TANK: variants seen among roughly 807,000 people sequenced by gnomAD.
The protein encoded by TANK is TRAF family member-associated NF-kappa-B activator.
TANK carries 15 observed loss-of-function variants against 43.6 expected under a neutral mutation model. The ratio of observed to expected loss-of-function variants is 0.34; its 90% CI spans 0.23 to 0.53. TANK has a LOEUF of 0.53. Among genes scored for constraint, TANK ranks in the 20% least tolerant of loss-of-function variants. The pLI is 0.94. For missense variants in TANK, 417 were observed against 498.6 expected, an observed-to-expected ratio of 0.84 and a Z score of 1.56; for synonymous variants, 162 against 178.2, an observed-to-expected ratio of 0.91 and a Z score of 0.73.
chr2:161,165,734 A>C (rs1014348653), intron 1 of TANK, among the ~76,000 whole-genome samples: 1 of 152,150 alleles, frequency 6.6e-6, no homozygotes, highest in African/African-American at 2.4e-5. Flanking sequence ...TAGATTTTTA[A>C]TATTAACTAT....
chr2:161,220,333 T>G (rs1687285600), intron 4 of TANK, among the ~76,000 whole-genome samples: 1 of 152,246 alleles, frequency 6.6e-6, no homozygotes, highest in Non-Finnish European at 1.5e-5. Context: ...CTGGGCGCGG[T>G]GGCTCACGCC....
intron 1 of TANK, among the ~76,000 whole-genome samples, chr2:161,145,133 C>CATTTTTTTTTTTTTTTTT (rs1491314658): frequency 3.0e-5 from 1 of 32,830 alleles, no homozygotes. Flanking sequence ...GCAACCCCTG[C>CATTTTTTTTTTTTTTTTT]TTTTTTTTTT....
chr2:161,151,395 G>C (rs914572425), intron 1 of TANK, among the ~76,000 whole-genome samples: 1 of 152,018 alleles, frequency 6.6e-6, no homozygotes, highest in Non-Finnish European at 1.5e-5. Context: ...TTGTAGTACT[G>C]TCTATTTTTC....
intron 4 of TANK, among the ~76,000 whole-genome samples, chr2:161,210,529 T>A (rs915194988): frequency 1.3e-5 from 2 of 152,030 alleles, no homozygotes; most frequent in Admixed American, 6.6e-5. Flanking sequence ...AAACCCCGTC[T>A]CTACTAAAAA....
At chr2:161,212,924 T>G (rs1042865649) in intron 4 of TANK, 13 of 433,388 alleles carry the variant, frequency 3.0e-5, no homozygotes, top group Non-Finnish European at 4.0e-5. Flanking sequence ...CTGTAAAAGT[T>G]CAAGATTGGA....
At chr2:161,201,482 C>CT (rs1686410126) in intron 2 of TANK, 1 of 168,632 alleles carries the variant, frequency 5.9e-6, no homozygotes, top group Non-Finnish European at 1.2e-5. Flanking sequence ...GCGCCTGTCT[C>CT]TAACTTGCTA....
At chr2:161,137,265 T>C in intron 1 of TANK, 1 of 984,234 alleles carries the variant, frequency 1.0e-6, no homozygotes, top group Non-Finnish European at 1.2e-6. Context: ...GGGTCATGCC[T>C]ATAATCCTAG....
upstream of TANK, chr2:161,160,219 CT>C (rs992053053): frequency 5.9e-5 from 19 of 319,522 alleles, no homozygotes; most frequent in East Asian, 1.6e-4. Flanking sequence ...GCTGCTGACG[CT>C]TTTTTTTTCT....
At chr2:161,139,784 T>A (rs1282909347) in intron 1 of TANK, 1 of 985,374 alleles carries the variant, frequency 1.0e-6, no homozygotes. Flanking sequence ...AGTAACCCTA[T>A]CCAGGCATAG....
chr2:161,163,591 T>C (rs1684539639), intron 1 of TANK: 1 of 152,198 alleles, frequency 6.6e-6, no homozygotes, highest in South Asian at 2.1e-4. Context: ...GAAACTCAAC[T>C]GGGAAAGCAT....
chr2:161,141,257 G>T lies in TANK; in HGVS notation c.-50+4194G>T, dbSNP rs531583506. Among the ~76,000 whole-genome samples the T allele has an allele frequency of 2.0e-5, 3 of 152,088 alleles. No homozygotes were observed. The South Asian group carries it at 6.2e-4, about 32-fold the overall frequency. Reference sequence around the variant, plus strand: ...CTCAGCCCCTGGCAACCACAAATCCGCATTCTGTCTCTGGATGCATATATT... The same window carrying T: ...CTCAGCCCCTGGCAACCACAAATCCTCATTCTGTCTCTGGATGCATATATT... On this transcript the variant is annotated intron_variant, in intron 1 of 7. Transcript: ENST00000259075.
At chr2:161,210,714 A>G (rs956017004) in intron 4 of TANK, among the ~76,000 whole-genome samples, 7 of 151,228 alleles carry the variant, frequency 4.6e-5, no homozygotes, top group Admixed American at 3.3e-4. Context: ...AAAAAAAAAA[A>G]GAAATTCTAA....
intron 4 of TANK, among the ~76,000 whole-genome samples, chr2:161,222,082 C>T (rs1687375467): frequency 6.6e-6 from 1 of 151,998 alleles, no homozygotes; most frequent in Non-Finnish European, 1.5e-5. Flanking sequence ...CCTATCTTTT[C>T]CTTCAGCCCT....
chr2:161,192,989 T>A (rs1327828135), intron 2 of TANK, among the ~76,000 whole-genome samples: 1 of 152,216 alleles, frequency 6.6e-6, no homozygotes, highest in Non-Finnish European at 1.5e-5. Context: ...GTCTCCTCTC[T>A]CCTTGGATGA....
At chr2:161,232,307 CAG>C (rs1314028982) in intron 7 of TANK, among the ~76,000 whole-genome samples, 3 of 152,078 alleles carry the variant, frequency 2.0e-5, no homozygotes, top group African/African-American at 7.2e-5. Flanking sequence ...TTACAAAAAA[CAG>C]AAGCTTATGA....
chr2:161,154,889 C>G (rs370290281), intron 1 of TANK, among the ~76,000 whole-genome samples: 370 of 151,990 alleles, frequency 2.4e-3, no homozygotes, highest in African/African-American at 8.4e-3. Flanking sequence ...GGATTACAGA[C>G]GTGTACCACA....
At chr2:161,226,904 A>G (rs1013446909) in intron 6 of TANK, 2 of 152,328 alleles carry the variant, frequency 1.3e-5, no homozygotes, top group Non-Finnish European at 2.9e-5. Flanking sequence ...TCTTTTGTCA[A>G]TATACAACGT....
intron 1 of TANK, chr2:161,139,702 T>TA: frequency 1.0e-6 from 1 of 985,406 alleles, no homozygotes; most frequent in South Asian, 4.7e-5. Flanking sequence ...TCTTCTCTAT[T>TA]ATTTTGGCTT....
intron 2 of TANK, among the ~76,000 whole-genome samples, chr2:161,186,302 A>G (rs944553034): frequency 6.6e-6 from 1 of 152,214 alleles, no homozygotes; most frequent in Non-Finnish European, 1.5e-5. Flanking sequence ...CAGCCTTTCT[A>G]CCACATGGGC....
Sources: allele counts gnomAD v4.1 joint callset (sites outside exome capture counted in the v4.1 genomes callset), GRCh38; gene constraint gnomAD v4.1.1; transcripts MANE v1.5; gene names NCBI Gene and HGNC (gene_info 2026-07-23, HGNC 2026-07-21).